KIF26B: variants seen among roughly 807,000 people sequenced by gnomAD.
The protein encoded by KIF26B is kinesin-like protein KIF26B.
In KIF26B, 63 loss-of-function variants were observed where a neutral mutation model predicts 151.2. That is an observed-to-expected ratio of 0.42 (90% CI 0.34 to 0.51). The LOEUF (loss-of-function observed/expected upper bound fraction) is 0.51. Ranked by LOEUF, KIF26B falls within the 20% of genes least tolerant of loss-of-function variation. The pLI is 0.07. For synonymous variants in KIF26B, 1,357 were observed against 1,262.1 expected, an observed-to-expected ratio of 1.08 and a Z score of -1.59; for missense variants, 2,813 against 2,913.6, an observed-to-expected ratio of 0.97 and a Z score of 0.79.
At chr1:245,503,478 A>C (rs1660664562) in intron 4 of KIF26B, among the ~76,000 whole-genome samples, 1 of 152,176 alleles carries the variant, frequency 6.6e-6, no homozygotes, top group South Asian at 2.1e-4. Context: ...TAAATATTAG[A>C]GGTATCTGAC....
intron 10 of KIF26B, among the ~76,000 whole-genome samples, chr1:245,651,686 T>C (rs6669043): frequency 0.65 from 99,399 of 152,002 alleles, 33,082 homozygotes; most frequent in African/African-American, 0.76. Context: ...ACCTGAGGGC[T>C]GTTGGCTGTC....
At position 245,229,139 on chromosome 1, in the gene KIF26B, A is replaced by T. The variant is rs148957677; in HGVS notation, c.465+72456A>T. Among the ~76,000 whole-genome samples, 693 of 151,886 alleles carry T rather than the reference A, an allele frequency of 4.6e-3. 19 individuals are homozygous for T. The East Asian group carries it at 0.091, about 20-fold the overall frequency. ...GTGCCACGATATCTGGCTAATTTTTAAAAATTTTTTTTAGTAGAGACTGGG... is the reference window on the plus strand; with the variant it reads ...GTGCCACGATATCTGGCTAATTTTTTAAAATTTTTTTTAGTAGAGACTGGG... On this transcript the variant is annotated intron_variant, in intron 2 of 14. Coordinates refer to ENST00000407071, the MANE Select transcript of KIF26B (RefSeq NM_018012.4).
intron 12 of KIF26B, among the ~76,000 whole-genome samples, chr1:245,691,452 C>T (rs2044626041): frequency 6.6e-6 from 1 of 152,232 alleles, no homozygotes; most frequent in Non-Finnish European, 1.5e-5. Flanking sequence ...GCTGTAGATC[C>T]AGGCTCCATG....
chr1:245,206,999 A>G (rs1669417937), intron 2 of KIF26B, among the ~76,000 whole-genome samples: 1 of 152,186 alleles, frequency 6.6e-6, no homozygotes, highest in Non-Finnish European at 1.5e-5. Flanking sequence ...TGATATTTAA[A>G]TGGGATGTGT....
At chr1:245,470,497 C>G (rs1406261211) in intron 4 of KIF26B, among the ~76,000 whole-genome samples, 3 of 152,138 alleles carry the variant, frequency 2.0e-5, no homozygotes, top group Non-Finnish European at 4.4e-5. Flanking sequence ...GTGGTGCGAT[C>G]TCGGCTCACT....
intron 12 of KIF26B, among the ~76,000 whole-genome samples, chr1:245,693,437 T>A (rs555707401): frequency 6.6e-6 from 1 of 152,328 alleles, no homozygotes; most frequent in South Asian, 2.1e-4. Flanking sequence ...GATGGGCTGG[T>A]TGCTTGGTTG....
intron 2 of KIF26B, among the ~76,000 whole-genome samples, chr1:245,275,760 A>G (rs894118875): frequency 3.3e-5 from 5 of 152,102 alleles, no homozygotes; most frequent in Non-Finnish European, 4.4e-5. Flanking sequence ...TTATACTTTT[A>G]TATGCTTTCA....
chr1:245,387,611 T>G (rs1011088124), intron 3 of KIF26B, among the ~76,000 whole-genome samples: 2 of 152,136 alleles, frequency 1.3e-5, no homozygotes, highest in Admixed American at 6.5e-5. Context: ...GAGGATCGCT[T>G]GAGCCTGCAG....
chr1:245,569,326 A>G (rs1012143264), intron 5 of KIF26B, among the ~76,000 whole-genome samples: 6 of 152,192 alleles, frequency 3.9e-5, no homozygotes, highest in African/African-American at 1.4e-4. Context: ...TGATTAGTCA[A>G]GAAGCCTTTG....
At chr1:245,311,534 C>T (rs556606984) in intron 2 of KIF26B, among the ~76,000 whole-genome samples, 2 of 151,936 alleles carry the variant, frequency 1.3e-5, no homozygotes, top group Admixed American at 6.6e-5. Flanking sequence ...GCCAGGAGTT[C>T]GAGGCTGCAG....
intron 2 of KIF26B, among the ~76,000 whole-genome samples, chr1:245,192,594 T>C (rs114642449): frequency 0.011 from 1,668 of 152,352 alleles, 29 homozygotes; most frequent in African/African-American, 0.037. Context: ...TCATCTATAC[T>C]GATGACTTTT....
chr1:245,411,548 C>CG (rs1048977178), intron 3 of KIF26B, among the ~76,000 whole-genome samples: 15 of 151,866 alleles, frequency 9.9e-5, no homozygotes, highest in African/African-American at 2.9e-4. Flanking sequence ...TTCACCTCGC[C>CG]GGGGGAGTGG....
intron 4 of KIF26B, among the ~76,000 whole-genome samples, chr1:245,438,329 AAAG>A (rs1658983022): frequency 6.6e-6 from 1 of 152,244 alleles, no homozygotes. Flanking sequence ...AGAAAGCTCT[AAAG>A]AAGTACAGAC....
intron 3 of KIF26B, among the ~76,000 whole-genome samples, chr1:245,418,472 A>G (rs1215628443): frequency 6.6e-6 from 1 of 152,242 alleles, no homozygotes; most frequent in Non-Finnish European, 1.5e-5. Flanking sequence ...TATTCTGCTA[A>G]TAATGAAAAG....
At chr1:245,613,830 A>ACATT (rs1418215350) in intron 9 of KIF26B, among the ~76,000 whole-genome samples, 1 of 152,186 alleles carries the variant, frequency 6.6e-6, no homozygotes, top group African/African-American at 2.4e-5. Context: ...AGTATAAGGT[A>ACATT]CATTCACCAA....
chr1:245,330,801 G>T (rs1168610555), intron 2 of KIF26B, among the ~76,000 whole-genome samples: 1 of 81,212 alleles, frequency 1.2e-5, no homozygotes, highest in Non-Finnish European at 2.1e-5. Context: ...GCGGGGTAAT[G>T]GGGGGAGAGT....
chr1:245,537,469 C>G (rs1244799256), intron 4 of KIF26B, among the ~76,000 whole-genome samples: 1 of 152,188 alleles, frequency 6.6e-6, no homozygotes, highest in East Asian at 1.9e-4. Flanking sequence ...GTTACTCTGG[C>G]TCCTTTGTGA....
chr1:245,222,769 G>A (rs1192388559), intron 2 of KIF26B, among the ~76,000 whole-genome samples: 1 of 152,004 alleles, frequency 6.6e-6, no homozygotes, highest in African/African-American at 2.4e-5. Context: ...CCCCCAAATC[G>A]ACAAATTGTA....
chr1:245,698,918 T>C lies in KIF26B; in HGVS notation c.6059T>C (p.Ile2020Thr). 1 of 1,614,012 alleles carries C rather than the reference T, an allele frequency of 6.2e-7. No individual in the cohort carries two copies. The highest frequency in any genetic ancestry group is 8.5e-7 in the Non-Finnish European group (1 of 1,179,884). The change falls in exon 14 of 15, where the codon ATT becomes ACT. Residue 2020 changes from isoleucine (I) to threonine (T), a missense_variant. Transcript: ENST00000407071. This position sits in a 1 kb window ranked among gnomAD's most constrained non-coding sequence, Gnocchi z 4.0. ...EAMCFNAKLK[I>T]LEHRQQRIAE... ...ATGTGCTTCAATGCAAAGCTGAAGA[T>C]TCTGGAACACCGCCAGCAGAGGATC...
Sources: allele counts gnomAD v4.1 joint callset (sites outside exome capture counted in the v4.1 genomes callset), GRCh38; gene constraint gnomAD v4.1.1; non-coding constraint Gnocchi (gnomAD v3.1); transcripts MANE v1.5; gene names NCBI Gene and HGNC (gene_info 2026-07-23, HGNC 2026-07-21).